Variants in ZNF626 observed in about 807,000 individuals in gnomAD.
The protein encoded by ZNF626 is zinc finger protein 626.
In ZNF626, 4 loss-of-function variants were observed where a neutral mutation model predicts 11.7. The observed-to-expected ratio is 0.34, with a 90% CI of 0.17 to 0.78. The LOEUF (loss-of-function observed/expected upper bound fraction) is 0.78, where lower values mean the gene tolerates loss of function less well. Ranked by LOEUF, ZNF626 falls within the 30% of genes least tolerant of loss-of-function variation. The pLI, the probability that ZNF626 is intolerant of heterozygous loss-of-function variation, is 0.57. For synonymous variants in ZNF626, 179 were observed against 198.6 expected (o/e 0.90, Z 0.83); for missense variants, 588 against 587.1 (o/e 1.00, Z -0.01).
intron 1 of ZNF626, among the ~76,000 whole-genome samples, chr19:20,659,226 G>C (rs1389606698): frequency 6.6e-6 from 1 of 152,046 alleles, no homozygotes; most frequent in African/African-American, 2.4e-5. Flanking sequence ...AGCTGAATTT[G>C]TCTTCAGTGG....
In ZNF626 at chr19:20,646,324, A is replaced by G. The variant is rs1555771903; in HGVS notation, c.85T>C (p.Tyr29His). 2 of 1,614,036 alleles carry G rather than the reference A, an allele frequency of 1.2e-6. No homozygotes were observed. The highest frequency in any genetic ancestry group is 1.7e-6 in the Non-Finnish European group (2 of 1,180,004). ...TAGTTCTCTAACATCACATTCCTATATAAATTCCGCTGTGCAGTGTCCAGG... is the reference window on the plus strand; with the variant it reads ...TAGTTCTCTAACATCACATTCCTATGTAAATTCCGCTGTGCAGTGTCCAGG... ...HCLDTAQRNL[Y>H]RNVMLENYSN... Residue 29 changes from tyrosine (Y) to histidine (H), a missense_variant, in exon 2 of 4, where the codon TAT (tyrosine) becomes CAT (histidine). Transcript: ENST00000601440.
In ZNF626 at chr19:20,625,416, A is replaced by G. The variant is rs1555769484; in HGVS notation, c.461T>C (p.Leu154Pro). 6.2e-7 allele frequency: 1 copy of G among 1,614,074 alleles called. No individual in the cohort carries two copies. The highest frequency in any genetic ancestry group is 8.5e-7 in the Non-Finnish European group (1 of 1,180,004). The change falls in exon 4 of 4, where the codon CTT becomes CCT. Residue 154 changes from leucine (L) to proline (P), a missense_variant. Transcript: ENST00000601440. ...ICQCDKYVKV[L>P]HQFPNSNGQK... ...TCCGTTTGAATTTGGAAATTGATGAAGGACTTTCACATATTTATCACATTG... is the reference window on the plus strand; with the variant it reads ...TCCGTTTGAATTTGGAAATTGATGAGGGACTTTCACATATTTATCACATTG...
At chr19:20,647,603 C>G (rs1847657412) in intron 1 of ZNF626, among the ~76,000 whole-genome samples, 1 of 151,314 alleles carries the variant, frequency 6.6e-6, no homozygotes, top group South Asian at 2.1e-4. Context: ...TCTCCTGCCT[C>G]AGCCTCCCGA....
chr19:20,640,535 TAAAAC>T (rs1332886041), intron 3 of ZNF626, among the ~76,000 whole-genome samples: 1 of 151,168 alleles, frequency 6.6e-6, no homozygotes, highest in African/African-American at 2.4e-5. Flanking sequence ...AAACAACCCT[TAAAAC>T]TAAACAATGA....
intron 3 of ZNF626, among the ~76,000 whole-genome samples, chr19:20,628,153 C>T (rs1474039432): frequency 3.9e-5 from 6 of 152,114 alleles, no homozygotes; most frequent in Non-Finnish European, 8.8e-5. Flanking sequence ...TGTGTATGTG[C>T]CACATTTTCC....
rs113486042 is a variant in ZNF626 at position 20,624,797 on chromosome 19, C to G, written c.1080G>C (p.Lys360Asn). 77 of 1,613,464 alleles carry G rather than the reference C, an allele frequency of 4.8e-5. No homozygotes were observed. The highest frequency in any genetic ancestry group is 6.4e-5 in the Non-Finnish European group (76 of 1,179,968). ...AGGGTTTCTCTCCAGTATGAATTCT[C>G]TTATGTGTAGTAAGGGTAGAGGAGT... Reference protein sequence around the residue: ...FKYSSTLTTHKRIHTGEKPYK... With the variant: ...FKYSSTLTTHNRIHTGEKPYK... Residue 360 changes from lysine (K) to asparagine (N), a missense_variant, in exon 4 of 4, where the codon AAG becomes AAC. Physicochemically the swap from Lys to Asn is moderately conservative, Grantham distance 94 (BLOSUM62 0). Transcript: ENST00000601440.
At position 20,661,567 on chromosome 19, in the gene ZNF626, G is replaced by C. The variant is rs1384127587; in HGVS notation, c.-121C>G. On this transcript the variant is annotated 5_prime_UTR_variant, in exon 1 of 4. Transcript: ENST00000601440. Reference sequence around the variant, plus strand: ...AGACCTGGAGCTCTGACTGCAGCGAGAGACAAAGGCCGCACCAAACCCGGA... The same window carrying C: ...AGACCTGGAGCTCTGACTGCAGCGACAGACAAAGGCCGCACCAAACCCGGA... 5.0e-6 allele frequency: 6 copies of C among 1,194,784 alleles called. No homozygotes were observed. The highest frequency in any genetic ancestry group is 2.0e-4 in the Middle Eastern group (1 of 5,048). The allele number at this position is 1,194,784 out of a possible 1,614,324, so 74.0% of individuals were successfully genotyped here. A position where few individuals can be genotyped will look rare whatever the true frequency, so the allele number is the denominator to read the frequency against.
intron 3 of ZNF626, among the ~76,000 whole-genome samples, chr19:20,639,495 T>C (rs1474443490): frequency 6.6e-6 from 1 of 152,206 alleles, no homozygotes; most frequent in African/African-American, 2.4e-5. Context: ...CCTAACACTT[T>C]GGGAGATCAA....
intron 3 of ZNF626, among the ~76,000 whole-genome samples, chr19:20,633,889 G>GGGAGCTGTTGACC (rs1969937589): frequency 6.6e-6 from 1 of 152,168 alleles, no homozygotes; most frequent in African/African-American, 2.4e-5. Flanking sequence ...CGCTCACGTT[G>GGGAGCTGTTGACC]GGAGCTGTTG....
At position 20,624,804 on chromosome 19, in the gene ZNF626, G is replaced by T; in HGVS notation, c.1073C>A (p.Thr358Lys). The T allele has an allele frequency of 6.2e-7, 1 of 1,601,336 alleles. No homozygotes were observed. Among genetic ancestry groups the T allele is most frequent in the Non-Finnish European group, 8.5e-7 (1 of 1,174,288 alleles). ...CTCTCCAGTATGAATTCTCTTATGT[G>T]TAGTAAGGGTAGAGGAGTACTTAAA... ...KAFKYSSTLT[T>K]HKRIHTGEKP... The change falls in exon 4 of 4, where the codon ACA (threonine) becomes AAA (lysine). Residue 358 changes from threonine to lysine, a missense_variant. This residue lies in a region of ZNF626 where 524 missense variants were observed against 470.1 expected (regional missense o/e 1.11). Coordinates refer to ENST00000601440, the MANE Select transcript of ZNF626 (RefSeq NM_001076675.3).
chr19:20,627,536 A>G (rs946054174), intron 3 of ZNF626, among the ~76,000 whole-genome samples: 3 of 152,190 alleles, frequency 2.0e-5, no homozygotes, highest in East Asian at 1.9e-4. Context: ...AGACAAAGAT[A>G]TAAGAATCAA....
At chr19:20,640,871 G>T (rs1970017021) in intron 3 of ZNF626, among the ~76,000 whole-genome samples, 2 of 151,968 alleles carry the variant, frequency 1.3e-5, no homozygotes, top group Admixed American at 1.3e-4. Flanking sequence ...AAAAAGCCAG[G>T]CACAGTGGCT....
chr19:20,632,942 G>A (rs183915058), intron 3 of ZNF626, among the ~76,000 whole-genome samples: 128 of 152,262 alleles, frequency 8.4e-4, no homozygotes, highest in Admixed American at 2.4e-3. Context: ...TTTGATGATG[G>A]TGATGTACAG....
At chr19:20,650,362 T>C (rs1295862223) in intron 1 of ZNF626, among the ~76,000 whole-genome samples, 1 of 152,220 alleles carries the variant, frequency 6.6e-6, no homozygotes, top group African/African-American at 2.4e-5. Flanking sequence ...TACATTTTTG[T>C]GACTTGTGGA....
At chr19:20,640,440 ACAATT>A (rs1970011805) in intron 3 of ZNF626, among the ~76,000 whole-genome samples, 1 of 151,558 alleles carries the variant, frequency 6.6e-6, no homozygotes, top group Non-Finnish European at 1.5e-5. Context: ...CATATTAGAA[ACAATT>A]CAAGAGTAAC....
rs782015019 is a variant in ZNF626 at position 20,646,329 on chromosome 19, T to G, written c.80A>C (p.Asn27Thr). The change falls in exon 2 of 4, where the codon AAT becomes ACT. Residue 27 changes from asparagine (N) to threonine (T), a missense_variant. Coordinates refer to ENST00000601440, the MANE Select transcript of ZNF626 (RefSeq NM_001076675.3). ...EWHCLDTAQR[N>T]LYRNVMLENY... ...CTCTAACATCACATTCCTATATAAA[T>G]TCCGCTGTGCAGTGTCCAGGCAATG... 1 of 1,614,094 alleles carries G rather than the reference T, an allele frequency of 6.2e-7. No individual in the cohort carries two copies. The highest frequency in any genetic ancestry group is 1.1e-5 in the South Asian group (1 of 91,076).
chr19:20,625,270 A>T lies in ZNF626; in HGVS notation c.607T>A (p.Cys203Ser), dbSNP rs1555769427. The T allele has an allele frequency of 6.2e-7, 1 of 1,613,858 alleles. No homozygotes were observed. Residue 203 changes from cysteine to serine, a missense_variant, in exon 4 of 4, where the codon TGT (cysteine) becomes AGT (serine). Coordinates refer to ENST00000601440, the MANE Select transcript of ZNF626 (RefSeq NM_001076675.3). ...KIHTGGKPYK[C>S]EECGKAFNHS... ...TTAAAGGCTTTGCCACATTCTTCACATTTGTAGGGTTTCCCTCCAGTATGA... is the reference window on the plus strand; with the variant it reads ...TTAAAGGCTTTGCCACATTCTTCACTTTTGTAGGGTTTCCCTCCAGTATGA...
chr19:20,661,025 G>T (rs1568463830), intron 1 of ZNF626, among the ~76,000 whole-genome samples: 1 of 152,246 alleles, frequency 6.6e-6, no homozygotes, highest in Non-Finnish European at 1.5e-5. Context: ...TTACAGGCGT[G>T]AGCCACAGCG....
rs1343457197 is a variant in ZNF626 at position 20,621,141 on chromosome 19, CTTTT to C, written c.*3145_*3148del. ...AGCCACTGTCCTGGCTTTTTTCTTT[CTTTT>C]TGAGATGGAGTGTCCGTCTGTCACC... On this transcript the variant is annotated 3_prime_UTR_variant, in exon 4 of 4. Transcript: ENST00000601440. 1 of 146,440 alleles carries C rather than the reference CTTTT, an allele frequency of 6.8e-6. No individual in the cohort carries two copies. Among genetic ancestry groups the C allele is most frequent in the Non-Finnish European group, 1.5e-5 (1 of 66,818 alleles). 9.1% of individuals were successfully genotyped at this position (146,440 alleles called of 1,614,324 possible). A position where few individuals can be genotyped will look rare whatever the true frequency, so the allele number is the denominator to read the frequency against.
Sources: gnomAD v4.1 joint callset for allele counts (sites outside exome capture counted in the v4.1 genomes callset) on GRCh38, gnomAD v4.1.1 for gene constraint, gnomAD v4.1.1 regional missense constraint, MANE v1.5 for transcripts, NCBI Gene and HGNC (gene_info 2026-07-23, HGNC 2026-07-21) for gene names.